Variants in INPP4B observed in about 807,000 individuals in gnomAD.
INPP4B encodes the protein inositol polyphosphate-4-phosphatase type II B, also known as inositol polyphosphate 4-phosphatase type II.
Under a neutral mutation model 122.5 loss-of-function variants are expected in INPP4B, and 55 were observed. That is an observed-to-expected ratio of 0.45 (90% CI 0.36 to 0.56). INPP4B has a LOEUF of 0.56. INPP4B is among the 20% of genes least tolerant of loss of function. The probability of loss-of-function intolerance (pLI) is 0.00; values close to 1 mark genes in which losing one functional copy is unlikely to be tolerated. For missense variants in INPP4B, 1,000 were observed against 1,097.7 expected (o/e 0.91, Z 1.26); for synonymous variants, 403 against 388.7 (o/e 1.04, Z -0.43).
At chr4:142,545,808 CATAT>C (rs1208267611) in intron 2 of INPP4B, among the ~76,000 whole-genome samples, 2 of 80,160 alleles carry the variant, frequency 2.5e-5, no homozygotes, top group African/African-American at 3.7e-5. Context: ...TATATATACA[CATAT>C]ACATGTGTGT....
At chr4:142,353,283 C>T (rs1248735444) in intron 7 of INPP4B, among the ~76,000 whole-genome samples, 1 of 151,906 alleles carries the variant, frequency 6.6e-6, no homozygotes, top group Non-Finnish European at 1.5e-5. Context: ...GCAATGCTTT[C>T]TAAGTTGCAA....
chr4:142,601,016 G>GGCA (rs1391976253), intron 2 of INPP4B, among the ~76,000 whole-genome samples: 3 of 151,910 alleles, frequency 2.0e-5, no homozygotes, highest in Non-Finnish European at 4.4e-5. Flanking sequence ...TATATATATA[G>GGCA]GCACTGAAAA....
chr4:142,791,791 C>T (rs1246172378), intron 1 of INPP4B, among the ~76,000 whole-genome samples: 2 of 151,936 alleles, frequency 1.3e-5, no homozygotes, highest in Admixed American at 1.3e-4. Context: ...ACCCTGACAC[C>T]CAGGCTCTGC....
chr4:142,637,264 AT>A (rs1210160126), intron 2 of INPP4B, among the ~76,000 whole-genome samples: 1 of 152,156 alleles, frequency 6.6e-6, no homozygotes, highest in Non-Finnish European at 1.5e-5. Context: ...GTTTTGACAT[AT>A]GTATAATGAG....
intron 12 of INPP4B, among the ~76,000 whole-genome samples, chr4:142,233,966 A>G (rs1338685491): frequency 6.6e-6 from 1 of 152,170 alleles, no homozygotes. Context: ...TAAAAAATTT[A>G]TAACCTAACC....
chr4:142,175,590 A>G (rs1488683103), intron 15 of INPP4B, among the ~76,000 whole-genome samples: 2 of 150,940 alleles, frequency 1.3e-5, no homozygotes, highest in African/African-American at 4.8e-5. Flanking sequence ...TTAATTTGCT[A>G]TCATGTATGT....
At position 142,466,642 on chromosome 4, in the gene INPP4B, G is replaced by A. The variant is rs1326557171; in HGVS notation, c.-190-3916C>T. Among the ~76,000 whole-genome samples the A allele has an allele frequency of 3.9e-5, 6 of 152,332 alleles. No homozygotes were observed. The East Asian group carries it at 1.2e-3, about 29-fold the overall frequency. On this transcript the variant is annotated intron_variant, in intron 2 of 25. Transcript: ENST00000262992. ...CAGGCTGCAGAGCAACTACTTGCTA[G>A]AGAGATTGGCATGACTAAAAGGGAG...
intron 23 of INPP4B, among the ~76,000 whole-genome samples, chr4:142,090,707 T>C (rs975487284): frequency 4.5e-4 from 19 of 42,166 alleles, no homozygotes; most frequent in African/African-American, 6.5e-4. Context: ...AATAGTATTC[T>C]TTTTTTTTTC....
chr4:142,761,170 A>AT (rs34074117), intron 1 of INPP4B, among the ~76,000 whole-genome samples: 5,135 of 145,832 alleles, frequency 0.035, 97 homozygotes, highest in Non-Finnish European at 0.044. Flanking sequence ...AAAATAAGCA[A>AT]TTTTTTTTTT....
chr4:142,613,971 C>T (rs891006029), intron 2 of INPP4B, among the ~76,000 whole-genome samples: 1 of 152,176 alleles, frequency 6.6e-6, no homozygotes, highest in Non-Finnish European at 1.5e-5. Flanking sequence ...TTAGTTAATA[C>T]AAACCTATAC....
intron 5 of INPP4B, among the ~76,000 whole-genome samples, chr4:142,417,910 G>A (rs1806106572): frequency 6.6e-6 from 1 of 152,072 alleles, no homozygotes; most frequent in East Asian, 1.9e-4. Context: ...TATTATTTCA[G>A]TTGTCTGTTC....
At chr4:142,464,085 G>T (rs1377616548) in intron 2 of INPP4B, among the ~76,000 whole-genome samples, 3 of 152,206 alleles carry the variant, frequency 2.0e-5, no homozygotes, top group Non-Finnish European at 4.4e-5. Context: ...AGTCCCACAG[G>T]TAAAGAGTAG....
intron 9 of INPP4B, among the ~76,000 whole-genome samples, chr4:142,282,857 G>A (rs1210056773): frequency 6.6e-6 from 1 of 152,052 alleles, no homozygotes; most frequent in Non-Finnish European, 1.5e-5. Context: ...AGCTGCACCA[G>A]GGGCTGAGAA....
intron 2 of INPP4B, among the ~76,000 whole-genome samples, chr4:142,613,991 G>A (rs1743134397): frequency 6.6e-6 from 1 of 152,178 alleles, no homozygotes; most frequent in East Asian, 1.9e-4. Flanking sequence ...CTTAAACACA[G>A]TGGTGATGGT....
chr4:142,233,247 C>G (rs961225622), intron 12 of INPP4B, among the ~76,000 whole-genome samples: 1 of 151,748 alleles, frequency 6.6e-6, no homozygotes, highest in African/African-American at 2.4e-5. Context: ...CCCACAGGTC[C>G]TATACAGAAC....
At chr4:142,264,084 T>C (rs1445653554) in intron 10 of INPP4B, among the ~76,000 whole-genome samples, 5 of 151,854 alleles carry the variant, frequency 3.3e-5, no homozygotes, top group Admixed American at 1.3e-4. Flanking sequence ...TTTCAGAGAG[T>C]TGAGAAGCTG....
intron 25 of INPP4B, among the ~76,000 whole-genome samples, chr4:142,057,633 A>G (rs1560966534): frequency 6.6e-6 from 1 of 152,114 alleles, no homozygotes; most frequent in Non-Finnish European, 1.5e-5. Flanking sequence ...ATATTCTCAC[A>G]TATTCACAGG....
intron 3 of INPP4B, among the ~76,000 whole-genome samples, chr4:142,456,724 A>G (rs1815513878): frequency 6.6e-6 from 1 of 152,148 alleles, no homozygotes; most frequent in South Asian, 2.1e-4. Flanking sequence ...TACTGCGCTC[A>G]TGGATTAGAA....
intron 2 of INPP4B, among the ~76,000 whole-genome samples, chr4:142,684,264 G>T (rs1759037064): frequency 6.6e-6 from 1 of 152,018 alleles, no homozygotes. Context: ...GATACAAAAT[G>T]AGACATCCTT....
Sources: allele counts gnomAD v4.1 joint callset (sites outside exome capture counted in the v4.1 genomes callset), GRCh38; gene constraint gnomAD v4.1.1; transcripts MANE v1.5; gene names NCBI Gene and HGNC (gene_info 2026-07-23, HGNC 2026-07-21).